Variants in HSD17B2 observed in about 807,000 individuals in gnomAD.
HSD17B2 encodes the protein hydroxysteroid 17-beta dehydrogenase 2.
Under a neutral mutation model 26.9 loss-of-function variants are expected in HSD17B2, and 32 were observed. The observed-to-expected ratio is 1.19, with a 90% CI of 0.90 to 1.60. The LOEUF (loss-of-function observed/expected upper bound fraction) is 1.60. Among genes scored for constraint, HSD17B2 ranks in the 40% most tolerant of loss-of-function variants. The pLI is 0.00. For missense variants in HSD17B2, 613 were observed against 468.6 expected (o/e 1.31, Z -2.85); for synonymous variants, 246 against 186.7 (o/e 1.32, Z -2.59).
intron 4 of HSD17B2, chr16:82,092,994 AT>A (rs2142368223): frequency 6.6e-6 from 1 of 152,366 alleles, no homozygotes; most frequent in South Asian, 2.1e-4. Context: ...GAGATTCAGT[AT>A]AATTGCTATG....
chr16:82,058,675 G>C (rs1914346823), intron 1 of HSD17B2, among the ~76,000 whole-genome samples: 1 of 152,110 alleles, frequency 6.6e-6, no homozygotes, highest in Non-Finnish European at 1.5e-5. Context: ...AATTTTCACG[G>C]TGACCAGGTC....
chr16:82,063,640 C>T (rs761072916), intron 1 of HSD17B2, among the ~76,000 whole-genome samples: 2 of 152,150 alleles, frequency 1.3e-5, no homozygotes, highest in Non-Finnish European at 2.9e-5. Flanking sequence ...CTGCAAGTGT[C>T]TCAAGATGAG....
intron 3 of HSD17B2, among the ~76,000 whole-genome samples, chr16:82,078,127 G>C (rs1458042225): frequency 6.6e-6 from 1 of 152,156 alleles, no homozygotes; most frequent in Non-Finnish European, 1.5e-5. Flanking sequence ...CTGCAAACTA[G>C]CCATTTGACA....
At chr16:82,096,868 A>G (rs1000269912) in intron 4 of HSD17B2, 2 of 152,196 alleles carry the variant, frequency 1.3e-5, no homozygotes, top group African/African-American at 2.4e-5. Context: ...GATGCTAAAC[A>G]ATGAGTGCTA....
intron 3 of HSD17B2, among the ~76,000 whole-genome samples, chr16:82,083,948 C>T (rs1437898628): frequency 2.0e-5 from 3 of 152,160 alleles, no homozygotes; most frequent in Non-Finnish European, 4.4e-5. Flanking sequence ...GTACAAAGAG[C>T]AGTTGGAAAA....
intron 1 of HSD17B2, among the ~76,000 whole-genome samples, chr16:82,037,991 T>C (rs1913664994): frequency 6.6e-6 from 1 of 152,238 alleles, no homozygotes; most frequent in African/African-American, 2.4e-5. Flanking sequence ...TATTTACGTG[T>C]TATTTTCTCT....
intron 3 of HSD17B2, among the ~76,000 whole-genome samples, chr16:82,078,791 T>A (rs920511727): frequency 6.6e-6 from 1 of 152,238 alleles, no homozygotes; most frequent in Non-Finnish European, 1.5e-5. Context: ...ACTTCACATG[T>A]TCTCACTTAT....
chr16:82,078,772 T>A (rs535242573), intron 3 of HSD17B2, among the ~76,000 whole-genome samples: 16 of 152,132 alleles, frequency 1.1e-4, no homozygotes, highest in African/African-American at 3.9e-4. Flanking sequence ...ATAATGAGCA[T>A]AAAGACAAAC....
In HSD17B2 at chr16:82,035,379, A is replaced by G; in HGVS notation, c.-46A>G. The G allele has an allele frequency of 1.3e-6, 2 of 1,575,304 alleles. No individual in the cohort carries two copies. The highest frequency in any genetic ancestry group is 1.7e-6 in the Non-Finnish European group (2 of 1,157,652). On this transcript the variant is annotated 5_prime_UTR_variant, in exon 1 of 5. Coordinates refer to ENST00000199936, the MANE Select transcript of HSD17B2 (RefSeq NM_002153.3). ...TGCCTCCAGCCAGCCTTTGCCCGCT[A>G]GACTCACTGGCCCTGAGCACTTGAA...
chr16:82,072,884 C>T (rs181274209), intron 3 of HSD17B2, among the ~76,000 whole-genome samples: 5 of 152,122 alleles, frequency 3.3e-5, no homozygotes, highest in African/African-American at 9.6e-5. Context: ...AGTGAGACCT[C>T]GTCTGTACAA....
chr16:82,090,212 T>C, intron 3 of HSD17B2: 1 of 981,674 alleles, frequency 1.0e-6, no homozygotes, highest in East Asian at 1.1e-4. Flanking sequence ...CAAAAAGATA[T>C]GTTTACCAGG....
At chr16:82,058,003 C>T (rs775776235) in intron 1 of HSD17B2, among the ~76,000 whole-genome samples, 7 of 150,472 alleles carry the variant, frequency 4.7e-5, no homozygotes, top group Non-Finnish European at 8.9e-5. Flanking sequence ...AATAATGTAT[C>T]AATATTGGGT....
intron 3 of HSD17B2, among the ~76,000 whole-genome samples, chr16:82,075,353 G>C (rs1188010573): frequency 2.0e-5 from 3 of 151,958 alleles, no homozygotes; most frequent in African/African-American, 7.2e-5. Flanking sequence ...ATAAATATTA[G>C]AGCAGAAATA....
intron 4 of HSD17B2, chr16:82,094,560 C>A (rs1454234417): frequency 6.6e-6 from 1 of 152,020 alleles, no homozygotes; most frequent in Non-Finnish European, 1.5e-5. Flanking sequence ...ATCAGGCTGC[C>A]CCCCAGTTTA....
At chr16:82,049,461 A>T (rs1914039068) in intron 1 of HSD17B2, among the ~76,000 whole-genome samples, 1 of 152,222 alleles carries the variant, frequency 6.6e-6, no homozygotes, top group South Asian at 2.1e-4. Flanking sequence ...GTGCCCCATA[A>T]TAATAAAGGG....
chr16:82,076,595 A>G (rs1904303702), intron 3 of HSD17B2, among the ~76,000 whole-genome samples: 1 of 152,208 alleles, frequency 6.6e-6, no homozygotes, highest in African/African-American at 2.4e-5. Context: ...TTTTTATTTT[A>G]GACAGAGTCT....
Position 82,055,965 on chromosome 16 carries a change from G to C in HSD17B2, c.266-12205G>C, listed in dbSNP as rs16956334. On this transcript the variant is annotated intron_variant, in intron 1 of 4. Coordinates refer to ENST00000199936, the MANE Select transcript of HSD17B2 (RefSeq NM_002153.3). ...AAGTGTAAGCTGGCCCAGGTACCAA[G>C]GGTTTGTCATCTCTGTTGTAAAGAA... is the stretch of plus-strand genomic sequence containing the variant. 3.9e-3 allele frequency among the ~76,000 whole-genome samples: 597 copies of C among 152,276 alleles called. 2 individuals carry two copies. The highest frequency in any genetic ancestry group is 0.013 in the African/African-American group (542 of 41,548).
chr16:82,064,258 C>T (rs190970324), intron 1 of HSD17B2, among the ~76,000 whole-genome samples: 1 of 152,332 alleles, frequency 6.6e-6, no homozygotes, highest in East Asian at 1.9e-4. Context: ...CTCCTCCTTG[C>T]TCGCATCCCT....
rs1008186237 is a variant in HSD17B2, at chr16:82,065,854, T to G, written c.266-2316T>G. On this transcript the variant is annotated intron_variant, in intron 1 of 4. Transcript: ENST00000199936. ...GATCTTGGCATCTCTTGTTTTCAGTTTCCTCATCTGTAAGATAGGAAGGAT... is the reference window on the plus strand; with the variant it reads ...GATCTTGGCATCTCTTGTTTTCAGTGTCCTCATCTGTAAGATAGGAAGGAT... Among the ~76,000 whole-genome samples, 4 of 152,218 alleles carry G rather than the reference T, an allele frequency of 2.6e-5. No individual in the cohort carries two copies. In the East Asian group the frequency reaches 7.7e-4, roughly 29 times the overall value.
Sources: gnomAD v4.1 joint callset for allele counts (sites outside exome capture counted in the v4.1 genomes callset) on GRCh38, gnomAD v4.1.1 for gene constraint, MANE v1.5 for transcripts, NCBI Gene and HGNC (gene_info 2026-07-23, HGNC 2026-07-21) for gene names.